DPYD: variants seen among roughly 807,000 people sequenced by gnomAD.
DPYD encodes the protein dihydropyrimidine dehydrogenase.
In DPYD, 109 loss-of-function variants were observed where a neutral mutation model predicts 116.2. The ratio of observed to expected loss-of-function variants is 0.94; its 90% confidence interval spans 0.80 to 1.10. DPYD has a LOEUF of 1.10. DPYD is among the 50% of genes least tolerant of loss of function. The probability of loss-of-function intolerance (pLI) is 0.00; values close to 1 mark genes in which losing one functional copy is unlikely to be tolerated. For missense variants in DPYD, 1,302 were observed against 1,254.5 expected (o/e 1.04, Z -0.57); for synonymous variants, 440 against 432.0 (o/e 1.02, Z -0.23).
At chr1:97,372,007 C>T (rs1364029093) in intron 16 of DPYD, among the ~76,000 whole-genome samples, 1 of 152,114 alleles carries the variant, frequency 6.6e-6, no homozygotes, top group Non-Finnish European at 1.5e-5. Context: ...AAATAACTCT[C>T]CAGAAAGGAT....
intron 11 of DPYD, among the ~76,000 whole-genome samples, chr1:97,562,715 C>T (rs1196665583): frequency 1.3e-5 from 2 of 151,900 alleles, no homozygotes; most frequent in African/African-American, 2.4e-5. Flanking sequence ...AGCATATATG[C>T]AGATCAATGT....
chr1:97,185,757 A>G (rs1265742175), intron 20 of DPYD, among the ~76,000 whole-genome samples: 3 of 152,184 alleles, frequency 2.0e-5, no homozygotes, highest in East Asian at 3.8e-4. Context: ...ATGCTAAAAA[A>G]CATGAACAAA....
At chr1:97,696,332 T>G (rs1029104629) in intron 6 of DPYD, among the ~76,000 whole-genome samples, 1 of 152,072 alleles carries the variant, frequency 6.6e-6, no homozygotes, top group Non-Finnish European at 1.5e-5. Flanking sequence ...ATCATTGATA[T>G]GAAGTTTATA....
intron 14 of DPYD, among the ~76,000 whole-genome samples, chr1:97,412,133 T>C (rs1262010217): frequency 1.3e-5 from 2 of 152,222 alleles, no homozygotes; most frequent in Non-Finnish European, 1.5e-5. Context: ...CTAATGTGAA[T>C]GTTAGCTATT....
At chr1:97,882,024 GA>G (rs887342683) in intron 2 of DPYD, among the ~76,000 whole-genome samples, 16 of 150,658 alleles carry the variant, frequency 1.1e-4, no homozygotes, top group African/African-American at 2.4e-4. Context: ...ATAAAAAAAA[GA>G]AAAAAAACTA....
chr1:97,490,871 C>T (rs1262689253), intron 13 of DPYD, among the ~76,000 whole-genome samples: 1 of 149,790 alleles, frequency 6.7e-6, no homozygotes, highest in Non-Finnish European at 1.5e-5. Flanking sequence ...TAGAAGATGG[C>T]TACACCTTTC....
chr1:97,122,451 G>A (rs1360890105), intron 20 of DPYD, among the ~76,000 whole-genome samples: 1 of 152,130 alleles, frequency 6.6e-6, no homozygotes, highest in African/African-American at 2.4e-5. Flanking sequence ...ACTTATAACT[G>A]TAAAGCAGTA....
At chr1:97,897,748 C>T (rs1673152630) in intron 1 of DPYD, among the ~76,000 whole-genome samples, 2 of 151,860 alleles carry the variant, frequency 1.3e-5, no homozygotes, top group African/African-American at 2.4e-5. Context: ...ATTTTTTGAA[C>T]ATATAGAATA....
At chr1:97,620,064 G>A (rs1313495812) in intron 8 of DPYD, among the ~76,000 whole-genome samples, 6 of 151,022 alleles carry the variant, frequency 4.0e-5, no homozygotes, top group Admixed American at 3.3e-4. Context: ...TAGGCACTTT[G>A]GAATTATTAG....
intron 11 of DPYD, among the ~76,000 whole-genome samples, chr1:97,553,438 C>A (rs1453266551): frequency 6.6e-6 from 1 of 151,874 alleles, no homozygotes; most frequent in East Asian, 1.9e-4. Flanking sequence ...TGTAACTGTT[C>A]TTCTATGAAC....
chr1:97,109,148 G>A (rs1423084613), intron 20 of DPYD, among the ~76,000 whole-genome samples: 2 of 152,026 alleles, frequency 1.3e-5, no homozygotes, highest in African/African-American at 4.8e-5. Flanking sequence ...AGCATTAATA[G>A]ATGATTAAAA....
intron 7 of DPYD, among the ~76,000 whole-genome samples, chr1:97,685,954 A>G (rs1020524829): frequency 6.6e-6 from 1 of 152,208 alleles, no homozygotes; most frequent in Admixed American, 6.5e-5. Context: ...TACCATTGAC[A>G]TTCCTCACAG....
intron 3 of DPYD, among the ~76,000 whole-genome samples, chr1:97,770,049 G>T (rs1293903089): frequency 6.6e-6 from 1 of 152,178 alleles, no homozygotes; most frequent in Non-Finnish European, 1.5e-5. Context: ...TTCAATGAAA[G>T]ATCTGAGAGG....
intron 20 of DPYD, among the ~76,000 whole-genome samples, chr1:97,115,809 T>C (rs968597864): frequency 1.3e-5 from 2 of 152,166 alleles, no homozygotes; most frequent in Non-Finnish European, 2.9e-5. Flanking sequence ...AGGATGCATA[T>C]GTAATGACTA....
At chr1:97,719,082 A>C (rs1042493618) in intron 5 of DPYD, among the ~76,000 whole-genome samples, 1 of 149,734 alleles carries the variant, frequency 6.7e-6, no homozygotes, top group African/African-American at 2.5e-5. Context: ...TGTGTGAAGG[A>C]AGGTGGCTTT....
At chr1:97,226,809 C>G (rs115115446) in intron 19 of DPYD, among the ~76,000 whole-genome samples, 3,231 of 152,144 alleles carry the variant, frequency 0.021, 63 homozygotes, top group South Asian at 0.057. Context: ...CCAAAGCAAT[C>G]TAAATATTCA....
At chr1:97,787,057 T>C (rs1392495250) in intron 3 of DPYD, among the ~76,000 whole-genome samples, 2 of 152,204 alleles carry the variant, frequency 1.3e-5, no homozygotes, top group Non-Finnish European at 2.9e-5. Flanking sequence ...TATTCATGCA[T>C]TCTCCTATTT....
intron 2 of DPYD, among the ~76,000 whole-genome samples, chr1:97,871,931 C>T (rs1464435799): frequency 1.3e-5 from 2 of 151,684 alleles, no homozygotes; most frequent in Admixed American, 6.6e-5. Context: ...ATGCCAACCA[C>T]GATTTTAAGA....
chr1:97,592,851 ATG>A (rs1298595251), intron 10 of DPYD, among the ~76,000 whole-genome samples: 1 of 152,232 alleles, frequency 6.6e-6, no homozygotes, highest in East Asian at 1.9e-4. Context: ...AAAATTCCGT[ATG>A]TGTCTTATTA....
Sources: allele counts gnomAD v4.1 joint callset (sites outside exome capture counted in the v4.1 genomes callset), GRCh38; gene constraint gnomAD v4.1.1; transcripts MANE v1.5; gene names NCBI Gene and HGNC (gene_info 2026-07-23, HGNC 2026-07-21).